The following GLIS3 variants were observed in gnomAD, a reference collection of about 807,000 sequenced individuals.
GLIS3 encodes the protein GLIS family zinc finger 3.
Under a neutral mutation model 78.6 loss-of-function variants are expected in GLIS3, and 53 were observed. That is an observed-to-expected ratio of 0.67 (90% confidence interval 0.54 to 0.85). The LOEUF is 0.85. GLIS3 is among the 40% of genes least tolerant of loss of function. The pLI is 0.00. For synonymous variants in GLIS3, 684 were observed against 509.9 expected, an observed-to-expected ratio of 1.34 and a Z score of -4.60; for missense variants, 1,703 against 1,231.1, an observed-to-expected ratio of 1.38 and a Z score of -5.74.
chr9:3,906,118 G>A (rs1000700338), intron 6 of GLIS3, among the ~76,000 whole-genome samples: 1 of 152,240 alleles, frequency 6.6e-6, no homozygotes, highest in East Asian at 1.9e-4. Flanking sequence ...AGGATGCAGG[G>A]CTGGACAAAT....
At chr9:4,416,838 G>C in the GLIS3 span, among the ~76,000 whole-genome samples, 3 of 38,802 alleles carry the variant, frequency 7.7e-5, no homozygotes, top group Admixed American at 2.9e-4. Context: ...TTTTTTTTTA[G>C]ATGGAGTTTC....
chr9:4,082,080 A>G (rs1161417077), intron 4 of GLIS3, among the ~76,000 whole-genome samples: 3 of 152,234 alleles, frequency 2.0e-5, no homozygotes, highest in Non-Finnish European at 4.4e-5. Flanking sequence ...TTCCTCTGGA[A>G]AGATTTCTAA....
chr9:3,835,387 A>C (rs1818287334), intron 9 of GLIS3, among the ~76,000 whole-genome samples: 1 of 152,220 alleles, frequency 6.6e-6, no homozygotes, highest in South Asian at 2.1e-4. Flanking sequence ...TGACCTAGTC[A>C]GGCTTGGCAG....
chr9:4,214,344 A>G (rs1563767467), intron 2 of GLIS3, among the ~76,000 whole-genome samples: 1 of 152,228 alleles, frequency 6.6e-6, no homozygotes, highest in Non-Finnish European at 1.5e-5. Context: ...AATTTCTGCA[A>G]ACTTTAAGGA....
Position 3,898,819 on chromosome 9 carries a change from T to G in GLIS3, c.2000A>C (p.Glu667Ala), listed in dbSNP as rs140882668. Residue 667 changes from glutamate to alanine, a missense_variant, in exon 7 of 11, where the codon GAG (glutamate) becomes GCG (alanine). Physicochemically the swap from Glu to Ala is moderately radical, Grantham distance 107. Transcript: ENST00000381971. ...ATCTGTGAGCAGGTCTGGATGGAGC[T>G]CTGTGCTGGACCGCAACTAAGAGGA... ...QARKKLRSST[E>A]LHPDLLTDCL... 62 of 1,614,062 alleles carry G rather than the reference T, an allele frequency of 3.8e-5. No individual in the cohort carries two copies. The African/African-American group carries it at 7.2e-4, about 19-fold the overall frequency.
intron 2 of GLIS3, among the ~76,000 whole-genome samples, chr9:4,157,724 G>C (rs1429258156): frequency 6.6e-6 from 1 of 152,066 alleles, no homozygotes; most frequent in African/African-American, 2.4e-5. Flanking sequence ...GGATTTACGA[G>C]TGCTTCCACA....
chr9:4,349,821 G>C (rs1316050911), upstream of GLIS3, among the ~76,000 whole-genome samples: 2 of 152,228 alleles, frequency 1.3e-5, no homozygotes, highest in East Asian at 3.8e-4. Flanking sequence ...AAGAAGAAAT[G>C]AAGTCATGAA....
chr9:4,038,060 G>C (rs1261688616), intron 4 of GLIS3, among the ~76,000 whole-genome samples: 1 of 152,132 alleles, frequency 6.6e-6, no homozygotes, highest in Non-Finnish European at 1.5e-5. Flanking sequence ...GAACTTTAAT[G>C]AGGGAGAAGA....
In GLIS3 at chr9:3,825,925, A is replaced by G. The variant is rs1024392675; in HGVS notation, c.*2347T>C. ...AGGAAGGAGGGCTGCAGGTGCCTCTATTGCTTACGCCCTCTTTAGAGTCCC... is the reference window on the plus strand; with the variant it reads ...AGGAAGGAGGGCTGCAGGTGCCTCTGTTGCTTACGCCCTCTTTAGAGTCCC... On this transcript the variant is annotated 3_prime_UTR_variant, in exon 11 of 11. Transcript: ENST00000381971. The G allele has an allele frequency of 6.6e-6, 1 of 152,206 alleles. No homozygotes were observed. The highest frequency in any genetic ancestry group is 6.5e-5 in the Admixed American group (1 of 15,280). 9.4% of individuals were successfully genotyped at this position (152,206 alleles called of 1,614,324 possible). A position where few individuals can be genotyped will look rare whatever the true frequency, so the allele number is the denominator to read the frequency against.
At chr9:4,408,128 G>C in the GLIS3 span, among the ~76,000 whole-genome samples, 2 of 152,122 alleles carry the variant, frequency 1.3e-5, no homozygotes, top group Non-Finnish European at 2.9e-5. Context: ...ATGCTAGCAA[G>C]AATGTGGAGA....
chr9:3,972,264 T>C (rs1818435488), intron 4 of GLIS3, among the ~76,000 whole-genome samples: 2 of 152,204 alleles, frequency 1.3e-5, no homozygotes, highest in Admixed American at 1.3e-4. Flanking sequence ...CTTTTTAGGA[T>C]GAAATCTGTG....
chr9:3,889,811 A>C (rs1331947597), intron 7 of GLIS3, among the ~76,000 whole-genome samples: 1 of 152,234 alleles, frequency 6.6e-6, no homozygotes, highest in African/African-American at 2.4e-5. Flanking sequence ...AAAATCTTAA[A>C]ACCATCCTTA....
At chr9:4,487,688 CTTT>C in the GLIS3 span, among the ~76,000 whole-genome samples, 15 of 146,586 alleles carry the variant, frequency 1.0e-4, no homozygotes, top group East Asian at 6.0e-4. Context: ...ATGGTCAACA[CTTT>C]TTTTTTTTTT....
At chr9:4,188,543 A>G (rs1586920585) in intron 2 of GLIS3, among the ~76,000 whole-genome samples, 1 of 151,530 alleles carries the variant, frequency 6.6e-6, no homozygotes, top group African/African-American at 2.4e-5. Flanking sequence ...CTCTTTTTCT[A>G]TTGATTGGAA....
the GLIS3 span, among the ~76,000 whole-genome samples, chr9:4,442,244 G>A: frequency 6.6e-6 from 1 of 152,080 alleles, no homozygotes; most frequent in African/African-American, 2.4e-5. Context: ...GTGTATAATT[G>A]TTCATAATTG....
the GLIS3 span, among the ~76,000 whole-genome samples, chr9:4,403,854 C>G: frequency 1.3e-5 from 2 of 151,950 alleles, no homozygotes; most frequent in Non-Finnish European, 2.9e-5. Context: ...AATACAATGG[C>G]AGGAGTAAGT....
chr9:3,932,258 A>G, intron 6 of GLIS3, 102 bp downstream of exon 6: 1 of 864,184 alleles, frequency 1.2e-6, no homozygotes, highest in Non-Finnish European at 2.0e-6. Flanking sequence ...AGGTTATACC[A>G]TGAGAAGTAT....
the GLIS3 span, among the ~76,000 whole-genome samples, chr9:4,470,868 C>T: frequency 6.6e-6 from 1 of 151,774 alleles, no homozygotes; most frequent in East Asian, 1.9e-4. Context: ...TTGTCTCAGC[C>T]CAAAATCTCC....
chr9:4,067,269 C>T (rs1406206804), intron 4 of GLIS3, among the ~76,000 whole-genome samples: 1 of 151,238 alleles, frequency 6.6e-6, no homozygotes, highest in East Asian at 1.9e-4. Context: ...TAAAGACTCA[C>T]TATATTAAAA....
Sources: allele counts gnomAD v4.1 joint callset (sites outside exome capture counted in the v4.1 genomes callset), GRCh38; gene constraint gnomAD v4.1.1; transcripts MANE v1.5; gene names NCBI Gene and HGNC (gene_info 2026-07-23, HGNC 2026-07-21).